Variants in ADGRV1 observed in about 807,000 individuals in gnomAD.
ADGRV1 encodes G-protein coupled receptor 98.
ADGRV1 carries 359 observed loss-of-function variants against 596.2 expected under a neutral mutation model. The observed-to-expected ratio is 0.60, with a 90% CI of 0.55 to 0.66. The LOEUF (loss-of-function observed/expected upper bound fraction) is 0.66, where lower values mean the gene tolerates loss of function less well. Ranked by LOEUF, ADGRV1 falls within the 30% of genes least tolerant of loss-of-function variation. The pLI, the probability that ADGRV1 is intolerant of heterozygous loss-of-function variation, is 0.00. For missense variants in ADGRV1, 7,274 were observed against 7,575.6 expected, an observed-to-expected ratio of 0.96 and a Z score of 1.48; for synonymous variants, 2,681 against 2,679.2, an observed-to-expected ratio of 1.00 and a Z score of -0.02.
chr5:91,047,400 A>G (rs1332895105), intron 85 of ADGRV1, among the ~76,000 whole-genome samples: 1 of 152,190 alleles, frequency 6.6e-6, no homozygotes, highest in Non-Finnish European at 1.5e-5. Context: ...GCTGTATGCA[A>G]GCTGAGGAGC....
intron 70 of ADGRV1, 65 bp downstream of exon 70, chr5:90,791,411 AC>A (rs1760065814): frequency 8.5e-7 from 1 of 1,179,684 alleles, no homozygotes; most frequent in Non-Finnish European, 1.2e-6. Context: ...GCCCATGCTT[AC>A]CTCATAATCA....
chr5:90,595,144 C>T (rs1179493555), intron 1 of ADGRV1, among the ~76,000 whole-genome samples: 119 of 117,132 alleles, frequency 1.0e-3, no homozygotes, highest in African/African-American at 4.1e-3. Flanking sequence ...CCGGACGGGG[C>T]GGCTGGCCGG....
chr5:90,893,379 G>C (rs578147777), intron 83 of ADGRV1, among the ~76,000 whole-genome samples: 7 of 152,214 alleles, frequency 4.6e-5, no homozygotes, highest in African/African-American at 1.7e-4. Flanking sequence ...GAAGTCATGT[G>C]CCATCTCTTC....
At chr5:91,110,547 G>A (rs1792277996) in intron 87 of ADGRV1, among the ~76,000 whole-genome samples, 1 of 152,094 alleles carries the variant, frequency 6.6e-6, no homozygotes, top group African/African-American at 2.4e-5. Context: ...GTCAGATTCA[G>A]GCTGAAATAC....
At chr5:90,857,019 A>G (rs1014188702) in intron 82 of ADGRV1, among the ~76,000 whole-genome samples, 10 of 152,132 alleles carry the variant, frequency 6.6e-5, no homozygotes, top group Admixed American at 6.6e-4. Context: ...TCTGGTTGCC[A>G]GTCTTTCCAA....
chr5:90,870,979 A>G (rs1768613370), intron 83 of ADGRV1, among the ~76,000 whole-genome samples: 1 of 152,218 alleles, frequency 6.6e-6, no homozygotes, highest in Admixed American at 6.5e-5. Context: ...ATCACCTTAT[A>G]TCTAGGAGAA....
chr5:90,734,132 C>T (rs763800746), intron 50 of ADGRV1, among the ~76,000 whole-genome samples: 24 of 152,018 alleles, frequency 1.6e-4, no homozygotes, highest in East Asian at 1.5e-3. Flanking sequence ...TATTCCATCG[C>T]GTATATATAC....
At chr5:90,724,717 A>G in intron 45 of ADGRV1, 115 bp from the exon 46 acceptor site, 1 of 903,938 alleles carries the variant, frequency 1.1e-6, no homozygotes, top group Non-Finnish European at 1.8e-6. Context: ...CACGTCATGA[A>G]AGAATTTTCA....
At chr5:91,094,391 A>G (rs1386977218) in intron 86 of ADGRV1, among the ~76,000 whole-genome samples, 3 of 151,522 alleles carry the variant, frequency 2.0e-5, no homozygotes, top group African/African-American at 7.3e-5. Flanking sequence ...CCCAGGAGGC[A>G]GATGTTGCAG....
intron 87 of ADGRV1, among the ~76,000 whole-genome samples, chr5:91,108,704 G>A (rs919854754): frequency 6.6e-6 from 1 of 151,882 alleles, no homozygotes; most frequent in Non-Finnish European, 1.5e-5. Context: ...AAGCAATCCT[G>A]CCTCATCCCC....
intron 87 of ADGRV1, among the ~76,000 whole-genome samples, chr5:91,102,898 A>G (rs1404340214): frequency 1.3e-5 from 2 of 152,214 alleles, no homozygotes; most frequent in East Asian, 3.8e-4. Flanking sequence ...GAAAGCTGAG[A>G]TTTTTAGTAC....
chr5:90,778,447 C>T lies in ADGRV1; in HGVS notation c.12687C>T (p.Pro4229=), dbSNP rs760496629. 1.4e-5 allele frequency: 23 copies of T among 1,612,314 alleles called. No homozygotes were observed. Among genetic ancestry groups the T allele is most frequent in the South Asian group, 2.2e-5 (2 of 90,850 alleles). The change falls in exon 63 of 90, where the codon CCC becomes CCT. Residue 4229 remains proline, a synonymous_variant. Coordinates refer to ENST00000405460, the MANE Select transcript of ADGRV1 (RefSeq NM_032119.4). The part of the protein sequence containing the change: ...VVIQALNDDI[P]EEKSFYEFQL... The stretch of plus-strand genomic sequence containing the variant: ...TCTAGGCTTTGAACGATGACATTCC[C>T]GAGGAAAAAAGCTTCTATGAGTTTC...
At chr5:90,569,387 ATTTTTTTTT>A (rs869133714) in intron 1 of ADGRV1, among the ~76,000 whole-genome samples, 14 of 16,370 alleles carry the variant, frequency 8.6e-4, no homozygotes, top group African/African-American at 3.4e-3. Context: ...ATATATATAT[ATTTTTTTTT>A]TTTTTTTTTT....
intron 83 of ADGRV1, among the ~76,000 whole-genome samples, chr5:90,875,023 A>C (rs944872721): frequency 4.6e-5 from 7 of 152,218 alleles, no homozygotes; most frequent in Non-Finnish European, 8.8e-5. Context: ...CTTAAAGCAA[A>C]ACAAAACCAG....
chr5:90,724,216 A>G (rs1751460125), intron 45 of ADGRV1, among the ~76,000 whole-genome samples: 1 of 152,146 alleles, frequency 6.6e-6, no homozygotes, highest in Non-Finnish European at 1.5e-5. Flanking sequence ...TCCCTTTAAA[A>G]TATACATTTA....
At chr5:90,704,511 T>TA (rs1370817849) in intron 36 of ADGRV1, 23 bp downstream of exon 36, 1 of 1,357,392 alleles carries the variant, frequency 7.4e-7, no homozygotes, top group African/African-American at 1.5e-5. Flanking sequence ...TTAATTTTAA[T>TA]TTTTTTTGGT....
Position 91,139,498 on chromosome 5 carries a change from T to C in ADGRV1, c.18433-10532T>C, listed in dbSNP as rs1400088163. ...CACCCTAGTCTTGCATTGCAGAGAA[T>C]GTGAAGTTTGCAGTGTGCATTCAGT... On this transcript the variant is annotated intron_variant, in intron 87 of 89. Transcript: ENST00000405460. Among the ~76,000 whole-genome samples the C allele has an allele frequency of 3.9e-5, 6 of 152,330 alleles. No homozygotes were observed. In the East Asian group the frequency reaches 9.7e-4, roughly 25 times the overall value.
chr5:91,044,903 A>C (rs1284592237), intron 85 of ADGRV1, among the ~76,000 whole-genome samples: 1 of 152,172 alleles, frequency 6.6e-6, no homozygotes, highest in Non-Finnish European at 1.5e-5. Context: ...AAATCAGTAC[A>C]TATCAGTAAA....
chr5:91,017,194 G>A (rs1283179273), intron 85 of ADGRV1, among the ~76,000 whole-genome samples: 1 of 151,844 alleles, frequency 6.6e-6, no homozygotes, highest in Non-Finnish European at 1.5e-5. Flanking sequence ...TCATTAAGAG[G>A]TGCTGTTCTG....
Sources: allele counts gnomAD v4.1 joint callset (sites outside exome capture counted in the v4.1 genomes callset), GRCh38; gene constraint gnomAD v4.1.1; transcripts MANE v1.5; gene names NCBI Gene and HGNC (gene_info 2026-07-23, HGNC 2026-07-21).